CSMD3: variants seen among roughly 807,000 people sequenced by gnomAD.
CSMD3 encodes CUB and Sushi multiple domains 3.
Under a neutral mutation model 435.2 loss-of-function variants are expected in CSMD3, and 177 were observed. The observed-to-expected ratio is 0.41, with a 90% CI of 0.36 to 0.46. The LOEUF (loss-of-function observed/expected upper bound fraction) is 0.46, where lower values mean the gene tolerates loss of function less well. Among genes scored for constraint, CSMD3 ranks in the 20% least tolerant of loss-of-function variants. The pLI, the probability that CSMD3 is intolerant of heterozygous loss-of-function variation, is 0.34. For synonymous variants in CSMD3, 1,656 were observed against 1,520.5 expected (o/e 1.09, Z -2.07); for missense variants, 4,265 against 4,504.6 (o/e 0.95, Z 1.52).
At position 112,518,337 on chromosome 8, in the gene CSMD3, G is replaced by GA. The variant is rs1398256883; in HGVS notation, c.4565-1113dup. The stretch of plus-strand genomic sequence containing the variant: ...GCAACTAAGTGAGACTCTGTCTCTA[G>GA]AAAAAATTAAAAAAAAAAAAATTAG... On this transcript the variant is annotated intron_variant, in intron 27 of 70. Transcript: ENST00000297405. Among the ~76,000 whole-genome samples the GA allele has an allele frequency of 6.7e-5, 10 of 150,186 alleles. No homozygotes were observed. The East Asian group carries it at 1.6e-3, about 24-fold the overall frequency.
At chr8:112,962,163 T>A (rs549000850) in intron 7 of CSMD3, among the ~76,000 whole-genome samples, 4 of 151,990 alleles carry the variant, frequency 2.6e-5, no homozygotes, top group Non-Finnish European at 5.9e-5. Context: ...TTGGGACTTT[T>A]TTTTTCTGAT....
At chr8:112,327,722 T>A (rs1823637295) in intron 45 of CSMD3, among the ~76,000 whole-genome samples, 1 of 152,170 alleles carries the variant, frequency 6.6e-6, no homozygotes, top group Admixed American at 6.6e-5. Flanking sequence ...CATGAGAGCA[T>A]CGTATTCCAC....
intron 20 of CSMD3, among the ~76,000 whole-genome samples, chr8:112,640,060 C>T (rs1403433557): frequency 6.6e-6 from 1 of 152,114 alleles, no homozygotes; most frequent in African/African-American, 2.4e-5. Flanking sequence ...TCCGTATCTT[C>T]TCCAATACTT....
rs141832663 is a variant in CSMD3 at position 113,106,518 on chromosome 8, G to T, written c.710-7555C>A. Among the ~76,000 whole-genome samples the T allele has an allele frequency of 3.3e-5, 5 of 152,282 alleles. No homozygotes were observed. In the East Asian group the frequency reaches 9.6e-4, roughly 29 times the overall value. ...ATATGTGTTATTGAAGTTCCAAAAA[G>T]GTTGTGGAGCAGGGGCAAGCATGGA... On this transcript the variant is annotated intron_variant, in intron 4 of 70. Coordinates refer to ENST00000297405, the MANE Select transcript of CSMD3 (RefSeq NM_198123.2).
At chr8:112,540,118 C>A (rs1162453985) in intron 27 of CSMD3, among the ~76,000 whole-genome samples, 3 of 151,820 alleles carry the variant, frequency 2.0e-5, no homozygotes, top group Non-Finnish European at 2.9e-5. Flanking sequence ...TAATAATGAG[C>A]AAATGCTTTG....
chr8:112,254,193 T>C, intron 63 of CSMD3, 60 bp downstream of exon 63: 1 of 1,165,856 alleles, frequency 8.6e-7, no homozygotes, highest in African/African-American at 1.5e-5. Flanking sequence ...TATATGCATA[T>C]GAACCAAAGA....
intron 13 of CSMD3, among the ~76,000 whole-genome samples, chr8:112,774,208 C>G (rs1272292343): frequency 6.6e-6 from 1 of 151,936 alleles, no homozygotes; most frequent in East Asian, 1.9e-4. Context: ...TGAAATGATG[C>G]CTTATAATTT....
At chr8:112,543,595 T>C (rs896643316) in intron 27 of CSMD3, among the ~76,000 whole-genome samples, 10 of 152,086 alleles carry the variant, frequency 6.6e-5, no homozygotes, top group African/African-American at 2.4e-4. Flanking sequence ...GGCAAGAATA[T>C]GGAGAAATAG....
Position 112,690,055 on chromosome 8 carries a change from A to G in CSMD3, c.1973-5T>C. On this transcript the variant is annotated splice_polypyrimidine_tract_variant and splice_region_variant and intron_variant, in intron 13 of 70. Coordinates refer to ENST00000297405, the MANE Select transcript of CSMD3 (RefSeq NM_198123.2). ...CACAACTTTCTTTCTCAATTTCTGG[A>G]AAAATAGAAGATAAAAGTCACCTTC... The G allele has an allele frequency of 6.2e-7, 1 of 1,612,044 alleles. No homozygotes were observed.
intron 10 of CSMD3, among the ~76,000 whole-genome samples, chr8:112,897,474 C>T (rs1490150543): frequency 6.6e-6 from 1 of 151,192 alleles, no homozygotes; most frequent in African/African-American, 2.4e-5. Context: ...CTGTATGATT[C>T]TATTTGTTCC....
At chr8:112,457,374 A>G (rs1563560458) in intron 32 of CSMD3, among the ~76,000 whole-genome samples, 4 of 152,084 alleles carry the variant, frequency 2.6e-5, no homozygotes, top group Admixed American at 1.3e-4. Flanking sequence ...AAGCCTGTAC[A>G]ATTTTATCAA....
rs750367291 is a variant in CSMD3, at chr8:112,650,225, A to C, written c.3129T>G (p.Ser1043Arg). 1 of 1,613,974 alleles carries C rather than the reference A, an allele frequency of 6.2e-7. No individual in the cohort carries two copies. ...TTTCGCATAGAAGGGGCTCTTCATG[A>C]CTCAACCTGTATCCTGAATCACAAC... The part of the protein sequence containing the change: ...SFSCDSGYRL[S>R]HEEPLLCEKN... The change falls in exon 19 of 71, where the codon AGT becomes AGG. Residue 1043 changes from serine (S) to arginine (R), a missense_variant. Around this residue, in one of 3 missense-constraint regions of CSMD3, gnomAD observed 3,255 missense variants for 3,380.2 expected, o/e 0.96. Coordinates refer to ENST00000297405, the MANE Select transcript of CSMD3 (RefSeq NM_198123.2).
intron 3 of CSMD3, among the ~76,000 whole-genome samples, chr8:113,262,948 A>C (rs144967744): frequency 6.6e-6 from 1 of 152,114 alleles, no homozygotes; most frequent in African/African-American, 2.4e-5. Context: ...TAATCCTCTA[A>C]ATTGTGGTCG....
chr8:113,342,516 T>C (rs2094126684), intron 1 of CSMD3, among the ~76,000 whole-genome samples: 1 of 152,162 alleles, frequency 6.6e-6, no homozygotes, highest in South Asian at 2.1e-4. Context: ...ACATAAAATA[T>C]TCCAAGTATT....
chr8:113,261,076 T>C (rs1213209226), intron 3 of CSMD3, among the ~76,000 whole-genome samples: 1 of 152,118 alleles, frequency 6.6e-6, no homozygotes. Context: ...AATCTCTGAA[T>C]CTTTACAGTT....
chr8:113,141,672 A>G (rs2091552432), intron 4 of CSMD3, among the ~76,000 whole-genome samples: 1 of 151,026 alleles, frequency 6.6e-6, no homozygotes, highest in African/African-American at 2.4e-5. Context: ...AAAGAATAGC[A>G]GTGAACTTTC....
At chr8:113,354,551 A>T (rs567268074) in intron 1 of CSMD3, among the ~76,000 whole-genome samples, 3 of 152,338 alleles carry the variant, frequency 2.0e-5, no homozygotes, top group African/African-American at 7.2e-5. Context: ...TGTTCTAAGA[A>T]ACATTTCAAT....
chr8:112,511,384 C>CTTTTT (rs34548150), intron 28 of CSMD3, among the ~76,000 whole-genome samples: 277 of 72,346 alleles, frequency 3.8e-3, no homozygotes, highest in Non-Finnish European at 5.5e-3. Flanking sequence ...ATTTTCTTTT[C>CTTTTT]TTTTTTTTTT....
At chr8:112,227,738 C>T (rs930231139) in intron 70 of CSMD3, among the ~76,000 whole-genome samples, 1 of 152,070 alleles carries the variant, frequency 6.6e-6, no homozygotes, top group African/African-American at 2.4e-5. Context: ...TTAGATGTTG[C>T]AGATTGACCC....
Sources: allele counts gnomAD v4.1 joint callset (sites outside exome capture counted in the v4.1 genomes callset), GRCh38; gene constraint gnomAD v4.1.1; regional missense constraint gnomAD v4.1.1; transcripts MANE v1.5; gene names NCBI Gene and HGNC (gene_info 2026-07-23, HGNC 2026-07-21).